SORL1: variants seen among roughly 807,000 people sequenced by gnomAD.
SORL1 encodes the protein sortilin related receptor 1.
SORL1 carries 127 observed loss-of-function variants against 273.7 expected under a neutral mutation model. The ratio of observed to expected loss-of-function variants is 0.46; its 90% CI spans 0.40 to 0.54. The LOEUF (loss-of-function observed/expected upper bound fraction) is 0.54, where lower values mean the gene tolerates loss of function less well. Among genes scored for constraint, SORL1 ranks in the 20% least tolerant of loss-of-function variants. The pLI, the probability that SORL1 is intolerant of heterozygous loss-of-function variation, is 0.00. For missense variants in SORL1, 2,494 were observed against 2,846.1 expected, an observed-to-expected ratio of 0.88 and a Z score of 2.81; for synonymous variants, 1,031 against 1,067.4, an observed-to-expected ratio of 0.97 and a Z score of 0.66.
chr11:121,532,464 G>A lies in SORL1; in HGVS notation c.1597G>A (p.Ala533Thr), dbSNP rs754258620. 1 of 1,613,930 alleles carries A rather than the reference G, an allele frequency of 6.2e-7. No individual in the cohort carries two copies. Among genetic ancestry groups the A allele is most frequent in the South Asian group, 1.1e-5 (1 of 91,040 alleles). The change falls in exon 12 of 48, where the codon GCA becomes ACA. Residue 533 changes from alanine to threonine, a missense_variant and splice_region_variant. Ala to Thr is a moderately conservative substitution (Grantham distance 58). This residue lies in a region of SORL1 where 710 missense variants were observed against 882.5 expected (regional missense o/e 0.80). Coordinates refer to ENST00000260197, the MANE Select transcript of SORL1 (RefSeq NM_003105.6). The part of the protein sequence containing the change: ...SSSAGARWRE[A>T]LPGPHYYTWG... ...GTCACCATGGATTTTTCCTCTTCAG[G>A]CACTTCCTGGACCTCACTACTACAC...
chr11:121,620,949 C>T, intron 43 of SORL1, 115 bp from the exon 44 acceptor site: 1 of 732,772 alleles, frequency 1.4e-6, no homozygotes, highest in South Asian at 1.9e-5. Context: ...GGGACTCAAA[C>T]TCTTGTTGCT....
chr11:121,567,230 C>T (rs1862768301), intron 22 of SORL1, 117 bp downstream of exon 22: 2 of 930,408 alleles, frequency 2.1e-6, no homozygotes, highest in Non-Finnish European at 3.2e-6. Flanking sequence ...GGAAAAAGTC[C>T]AAGGTAAAAA....
rs2134896428 is a variant in SORL1 at position 121,588,124 on chromosome 11, G to A, written c.3919G>A (p.Asp1307Asn). The change falls in exon 28 of 48, where the codon GAT becomes AAT. Residue 1307 changes from aspartate to asparagine, a missense_variant. Transcript: ENST00000260197. ...AATCATCCAGTGCCGCGACGGGTCC[G>A]ATGAGGATGCGGCGTTTGCAGGATG... is the stretch of plus-strand genomic sequence containing the variant. Reference protein sequence around the residue: ...DGIIQCRDGSDEDAAFAGCSQ... With the variant: ...DGIIQCRDGSNEDAAFAGCSQ... 1 of 1,613,640 alleles carries A rather than the reference G, an allele frequency of 6.2e-7. No homozygotes were observed. The highest frequency in any genetic ancestry group is 8.5e-7 in the Non-Finnish European group (1 of 1,179,708).
intron 31 of SORL1, among the ~76,000 whole-genome samples, chr11:121,594,430 A>C (rs1253938302): frequency 2.6e-5 from 4 of 151,252 alleles, no homozygotes; most frequent in Admixed American, 6.6e-5. Flanking sequence ...TAGTTTTGAA[A>C]ATTCCCTTCC....
rs1862763316 is a variant in SORL1 at position 121,566,974 on chromosome 11, G to T, written c.3084G>T (p.Leu1028=). The stretch of plus-strand genomic sequence containing the variant: ...CCTGTGTGCCCAGGCCATGCAGCCT[G>T]CTGTGCCTGCCCAAGGCCAACAACA... ...SNACVPRPCS[L]LCLPKANNSR... The change falls in exon 22 of 48, where the codon CTG becomes CTT. Residue 1028 remains leucine, a synonymous_variant. Transcript: ENST00000260197. The T allele has an allele frequency of 6.2e-7, 1 of 1,613,986 alleles. No individual in the cohort carries two copies. The highest frequency in any genetic ancestry group is 1.7e-5 in the Admixed American group (1 of 59,998).
intron 2 of SORL1, among the ~76,000 whole-genome samples, chr11:121,472,328 A>C (rs1429845566): frequency 6.6e-6 from 1 of 152,200 alleles, no homozygotes; most frequent in African/African-American, 2.4e-5. Flanking sequence ...CTCTTAATCC[A>C]GACAACATTT....
At position 121,567,070 on chromosome 11, in the gene SORL1, C is replaced by T. The variant is rs1254762462; in HGVS notation, c.3180C>T (p.Cys1060=). ...VLPSGDLMCD[C]PQGYQLKNNT... is the part of the protein sequence containing the mutation. ...CATCAGGGGACCTGATGTGTGACTG[C>T]CCTCAGGGCTATCAGCTCAAGAACA... Residue 1060 remains cysteine (C), a synonymous_variant, in exon 22 of 48, where the codon TGC becomes TGT. Coordinates refer to ENST00000260197, the MANE Select transcript of SORL1 (RefSeq NM_003105.6). The T allele has an allele frequency of 6.2e-7, 1 of 1,614,118 alleles. No individual in the cohort carries two copies. Among genetic ancestry groups the T allele is most frequent in the Non-Finnish European group, 8.5e-7 (1 of 1,179,946 alleles).
chr11:121,528,200 G>A (rs144143061), intron 11 of SORL1, among the ~76,000 whole-genome samples: 2,180 of 152,258 alleles, frequency 0.014, 29 homozygotes, highest in Middle Eastern at 0.034. Flanking sequence ...TGCACACAGT[G>A]GCTCATACCT....
chr11:121,542,460 T>G (rs1862362166), intron 12 of SORL1, among the ~76,000 whole-genome samples: 1 of 150,902 alleles, frequency 6.6e-6, no homozygotes, highest in Non-Finnish European at 1.5e-5. Context: ...TTTTGTGGCC[T>G]TGATTTTTTT....
chr11:121,503,410 A>G (rs532626224), intron 6 of SORL1, among the ~76,000 whole-genome samples: 2 of 152,060 alleles, frequency 1.3e-5, no homozygotes, highest in African/African-American at 4.8e-5. Context: ...TCCCACCACC[A>G]TTTGTTGAAA....
At chr11:121,600,032 C>T (rs1339576386) in intron 32 of SORL1, among the ~76,000 whole-genome samples, 1 of 152,152 alleles carries the variant, frequency 6.6e-6, no homozygotes, top group Non-Finnish European at 1.5e-5. Context: ...CAGATGAAAA[C>T]TTGGAAGGCA....
At chr11:121,589,041 C>T (rs1863165691) in intron 28 of SORL1, among the ~76,000 whole-genome samples, 1 of 152,198 alleles carries the variant, frequency 6.6e-6, no homozygotes. Flanking sequence ...ATAAACTCAG[C>T]TCATAACACG....
chr11:121,484,283 G>T (rs1029047838), intron 3 of SORL1, among the ~76,000 whole-genome samples: 2 of 152,188 alleles, frequency 1.3e-5, no homozygotes, highest in Admixed American at 6.5e-5. Flanking sequence ...GTGTAGGCAT[G>T]AAGTTGCTCA....
intron 6 of SORL1, among the ~76,000 whole-genome samples, chr11:121,511,125 T>A (rs1035294427): frequency 1.3e-5 from 2 of 152,206 alleles, no homozygotes; most frequent in African/African-American, 4.8e-5. Flanking sequence ...TGAACCTGAA[T>A]TGTCCAGGTT....
intron 1 of SORL1, among the ~76,000 whole-genome samples, chr11:121,458,786 G>A (rs917737925): frequency 3.4e-4 from 52 of 152,328 alleles, no homozygotes; most frequent in African/African-American, 1.2e-3. Context: ...AGGCAGGGTG[G>A]GCTGCTGAGC....
At chr11:121,498,239 A>G (rs1202632352) in intron 6 of SORL1, among the ~76,000 whole-genome samples, 1 of 152,190 alleles carries the variant, frequency 6.6e-6, no homozygotes, top group East Asian at 1.9e-4. Flanking sequence ...AGCAGCCCAG[A>G]AACATAAGCA....
At position 121,553,941 on chromosome 11, in the gene SORL1, G is replaced by C. The variant is rs1009708532; in HGVS notation, c.2271G>C (p.Glu757Asp). The C allele has an allele frequency of 1.2e-6, 2 of 1,612,734 alleles. No individual in the cohort carries two copies. The highest frequency in any genetic ancestry group is 1.7e-6 in the Non-Finnish European group (2 of 1,179,170). ...CGTGTCTTGTGTGTCTGGCAGAAGA[G>C]AACGAGTTCATTCTGTATGCTGTGA... ...GELVPCPLAE[E>D]NEFILYAVRK... Residue 757 changes from glutamate to aspartate, a missense_variant, in exon 17 of 48, where the codon GAG becomes GAC. Glu to Asp is a conservative substitution (Grantham distance 45). Around this residue, in one of 3 missense-constraint regions of SORL1, gnomAD observed 710 missense variants for 882.5 expected, o/e 0.80. Transcript: ENST00000260197.
intron 2 of SORL1, among the ~76,000 whole-genome samples, chr11:121,472,664 T>C (rs1861189397): frequency 1.3e-5 from 2 of 152,116 alleles, no homozygotes; most frequent in Admixed American, 1.3e-4. Flanking sequence ...TGTGTCTAAC[T>C]AAGAGCCCAT....
rs1290639476 is a variant in SORL1 at position 121,558,689 on chromosome 11, A to C, written c.2762A>C (p.Lys921Thr). 6.2e-7 allele frequency: 1 copy of C among 1,613,946 alleles called. No individual in the cohort carries two copies. Among genetic ancestry groups the C allele is most frequent in the East Asian group, 2.2e-5 (1 of 44,880 alleles). The change falls in exon 20 of 48, where the codon AAG becomes ACG. Residue 921 changes from lysine (K) to threonine (T), a missense_variant. Transcript: ENST00000260197. ...TATCACCTGGTGTCTGAGGATGTGA[A>C]GTGGCCCAATGGCATCTCTGTGGAC... ...AAYHLVSEDV[K>T]WPNGISVDDQ... is the part of the protein sequence containing the mutation.
Sources: allele counts gnomAD v4.1 joint callset (sites outside exome capture counted in the v4.1 genomes callset), GRCh38; gene constraint gnomAD v4.1.1; regional missense constraint gnomAD v4.1.1; transcripts MANE v1.5; gene names NCBI Gene and HGNC (gene_info 2026-07-23, HGNC 2026-07-21).